Variants in SAGE1 observed in about 807,000 individuals in gnomAD.
The protein encoded by SAGE1 is sarcoma antigen 1, also known as cancer/testis antigen 14.
Under a neutral mutation model 55.4 loss-of-function variants are expected in SAGE1, and 55 were observed. The ratio of observed to expected loss-of-function variants is 0.99; its 90% CI spans 0.80 to 1.24. The LOEUF (loss-of-function observed/expected upper bound fraction) is 1.24. Ranked by LOEUF, SAGE1 falls within the 50% of genes most tolerant of loss-of-function variation. The pLI is 0.00. For missense variants in SAGE1, 710 were observed against 704.4 expected (o/e 1.01, Z -0.09); for synonymous variants, 240 against 244.3 (o/e 0.98, Z 0.17).
intron 1 of SAGE1, among the ~76,000 whole-genome samples, chrX:135,894,238 A>G (rs1392025870): frequency 9.0e-6 from 1 of 111,480 alleles, no homozygotes; most frequent in Admixed American, 9.4e-5. Context: ...ACGCCCAGCT[A>G]ATTTTGTATT....
chrX:135,909,322 T>C (rs1251026184), intron 13 of SAGE1, among the ~76,000 whole-genome samples: 1 of 112,035 alleles, frequency 8.9e-6, no homozygotes, highest in Admixed American at 9.5e-5. Flanking sequence ...GATACATTAT[T>C]GTCAACTGTT....
At chrX:135,904,262 C>T (rs1191095899) in intron 3 of SAGE1, among the ~76,000 whole-genome samples, 1 of 111,727 alleles carries the variant, frequency 9.0e-6, no homozygotes, top group Non-Finnish European at 1.9e-5. Context: ...ACGAGGATTC[C>T]ACTACGCACC....
rs1182616011 is a variant in SAGE1, at chrX:135,908,044, A to G, written c.1160-45A>G. 8 of 1,191,437 alleles carry G rather than the reference A, an allele frequency of 6.7e-6. No homozygotes were observed. The Admixed American group carries it at 1.3e-4, about 20-fold the overall frequency. On this transcript the variant is annotated intron_variant, in intron 10 of 19. Coordinates refer to ENST00000370709, the MANE Select transcript of SAGE1 (RefSeq NM_001381902.1). ...GAGGGGGTATTCCTGTGGGATTGAC[A>G]TACTGCACTTACCTCACAGCTCATC...
intron 14 of SAGE1, 96 bp from the exon 15 acceptor site, chrX:135,909,934 A>G: frequency 9.7e-7 from 1 of 1,028,580 alleles, no homozygotes; most frequent in South Asian, 2.2e-5. Flanking sequence ...CGGCTTTATG[A>G]TATACTTTTC....
intron 5 of SAGE1, among the ~76,000 whole-genome samples, chrX:135,905,666 G>T (rs782389663): frequency 9.0e-6 from 1 of 111,483 alleles, no homozygotes; most frequent in South Asian, 3.8e-4. Context: ...CACATTATCT[G>T]TGAAGAGAAG....
chrX:135,906,981 A>G lies in SAGE1; in HGVS notation c.792A>G (p.Gln264=), dbSNP rs1556601872. Residue 264 remains glutamine (Q), a synonymous_variant, in exon 8 of 20, where the codon CAA becomes CAG. Transcript: ENST00000370709. ...AGAAGATGGAAAAGGGCCAACCCCAACCTGATAACATCTTGTCAACTGCTT... is the reference window on the plus strand; with the variant it reads ...AGAAGATGGAAAAGGGCCAACCCCAGCCTGATAACATCTTGTCAACTGCTT... ...PEEKMEKGQP[Q]PDNILSTAST... 5 of 1,208,277 alleles carry G rather than the reference A, an allele frequency of 4.1e-6. No individual in the cohort carries two copies. In the Admixed American group the frequency reaches 6.6e-5, roughly 16 times the overall value.
At chrX:135,901,746 A>G in intron 3 of SAGE1, 55 bp downstream of exon 3, 5 of 1,100,739 alleles carry the variant, frequency 4.5e-6, no homozygotes, top group Non-Finnish European at 6.2e-6. Flanking sequence ...ATTTGTAGTC[A>G]TGTCCTTGAG....
chrX:135,910,130 G>A lies in SAGE1; in HGVS notation c.1824G>A (p.Met608Ile). The change falls in exon 15 of 20, where the codon ATG becomes ATA. Residue 608 changes from methionine to isoleucine, a missense_variant. Met to Ile is a conservative substitution (Grantham distance 10). Transcript: ENST00000370709. The part of the protein sequence containing the change: ...FSTVPPAFIN[M>I]AATGVSSMST... The stretch of plus-strand genomic sequence containing the variant: ...CTGTTCCACCAGCATTTATTAATAT[G>A]GCAGCAACTGGTGTTTCATCCATGA... 1 of 1,206,317 alleles carries A rather than the reference G, an allele frequency of 8.3e-7. No homozygotes were observed. Among genetic ancestry groups the A allele is most frequent in the Non-Finnish European group, 1.1e-6 (1 of 890,979 alleles).
chrX:135,910,029 G>C lies in SAGE1; in HGVS notation c.1724-1G>C, dbSNP rs1040225307. On this transcript the variant is annotated splice_acceptor_variant, in intron 14 of 19. Transcript: ENST00000370709. LOFTEE classifies it high-confidence loss of function. ...ACTTAACCTCTTTATTTCTGTTCCA[G>C]ATGCTACCGTCACTCACAATGTCCA... The C allele has an allele frequency of 2.5e-6, 3 of 1,206,790 alleles. No homozygotes were observed. The African/African-American group carries it at 5.3e-5, about 21-fold the overall frequency.
At chrX:135,904,431 C>T (rs1281023437) in intron 3 of SAGE1, 46 bp from the exon 4 acceptor site, 2 of 847,071 alleles carry the variant, frequency 2.4e-6, no homozygotes, top group Non-Finnish European at 3.5e-6. Context: ...GTGCCATTGA[C>T]ATAATGCACT....
At position 135,906,447 on chromosome X, in the gene SAGE1, T is replaced by C. The variant is rs782775563; in HGVS notation, c.632T>C (p.Met211Thr). The C allele has an allele frequency of 6.6e-6, 8 of 1,211,298 alleles. No homozygotes were observed. The highest frequency in any genetic ancestry group is 8.9e-6 in the Non-Finnish European group (8 of 894,852). Residue 211 changes from methionine to threonine, a missense_variant, in exon 7 of 20, where the codon ATG (methionine) becomes ACG (threonine). Met to Thr is a moderately conservative substitution (Grantham distance 81). Coordinates refer to ENST00000370709, the MANE Select transcript of SAGE1 (RefSeq NM_001381902.1). Reference protein sequence around the residue: ...TVTHNVCEQKMENVQPAPDNV... With the variant: ...TVTHNVCEQKTENVQPAPDNV... ...ACTCACAATGTCTGTGAACAGAAGA[T>C]GGAAAATGTCCAACCAGCACCTGAT...
intron 9 of SAGE1, 108 bp downstream of exon 9, chrX:135,907,561 T>G (rs1243253283): frequency 1.0e-6 from 1 of 982,226 alleles, no homozygotes; most frequent in African/African-American, 1.9e-5. Context: ...GAGCTCAATC[T>G]GAGGTGTCTC....
Position 135,907,687 on chromosome X carries a change from C to T in SAGE1, c.1019-14C>T. Reference sequence around the variant, plus strand: ...CACTTAGCTCAGAGCTCAAGCTTTTCATTTGGTTTCCAGATGCTACCATCA... The same window carrying T: ...CACTTAGCTCAGAGCTCAAGCTTTTTATTTGGTTTCCAGATGCTACCATCA... On this transcript the variant is annotated splice_polypyrimidine_tract_variant and intron_variant, in intron 9 of 19. Transcript: ENST00000370709. 8.3e-7 allele frequency: 1 copy of T among 1,207,739 alleles called. No individual in the cohort carries two copies. Among genetic ancestry groups the T allele is most frequent in the Non-Finnish European group, 1.1e-6 (1 of 893,183 alleles).
chrX:135,912,377 A>G lies in SAGE1; in HGVS notation c.2578A>G (p.Arg860Gly). ...GGTACAAGGATCTATGAAAGTCAAG[A>G]GACAATTTGTTGAATTTACCATCAA... is the stretch of plus-strand genomic sequence containing the variant. ...EEVQGSMKVK[R>G]QFVEFTIKEA... The change falls in exon 19 of 20, where the codon AGA becomes GGA. Residue 860 changes from arginine to glycine, a missense_variant. Coordinates refer to ENST00000370709, the MANE Select transcript of SAGE1 (RefSeq NM_001381902.1). The G allele has an allele frequency of 2.5e-6, 3 of 1,207,109 alleles. No homozygotes were observed. Among genetic ancestry groups the G allele is most frequent in the Non-Finnish European group, 3.4e-6 (3 of 893,900 alleles).
chrX:135,905,939 T>C (rs2088777954), intron 5 of SAGE1, 85 bp from the exon 6 acceptor site: 5 of 834,143 alleles, frequency 6.0e-6, no homozygotes, highest in Non-Finnish European at 6.8e-6. Context: ...GATAATTTCC[T>C]AGAAACTGAG....
At chrX:135,912,229 G>GA in intron 18 of SAGE1, 92 bp from the exon 19 acceptor site, 1 of 1,125,598 alleles carries the variant, frequency 8.9e-7, no homozygotes, top group Non-Finnish European at 1.2e-6. Context: ...TGTAGCCCAT[G>GA]AAAAATGTAT....
Position 135,907,448 on chromosome X carries a change from A to G in SAGE1, c.1013A>G (p.Asp338Gly), listed in dbSNP as rs781981001. The change falls in exon 9 of 20, where the codon GAT becomes GGT. Residue 338 changes from aspartate to glycine, a missense_variant. By Grantham distance (94) the Asp-to-Gly change is moderately conservative. Transcript: ENST00000370709. ...ATGIPGMNTR[D>G]QYATITHNVC... ...GGTATTCCGGGCATGAATACCAGGG[A>G]TCAGTGTATGTTTGTTTACTAGTTG... 7.5e-6 allele frequency: 9 copies of G among 1,203,868 alleles called. No homozygotes were observed. Among genetic ancestry groups the G allele is most frequent in the Non-Finnish European group, 4.5e-6 (4 of 889,935 alleles).
chrX:135,906,382 A>G, intron 6 of SAGE1, 29 bp from the exon 7 acceptor site: 5 of 1,202,676 alleles, frequency 4.2e-6, no homozygotes, highest in South Asian at 1.8e-5. Flanking sequence ...CACTTACCTC[A>G]CAGCTCAACC....
intron 1 of SAGE1, among the ~76,000 whole-genome samples, chrX:135,894,835 G>C (rs1317309698): frequency 1.8e-5 from 2 of 111,086 alleles, no homozygotes; most frequent in Non-Finnish European, 3.8e-5. Flanking sequence ...AGGAAATTCG[G>C]TGTGCTGAAA....
Sources: gnomAD v4.1 joint callset for allele counts (sites outside exome capture counted in the v4.1 genomes callset) on GRCh38, gnomAD v4.1.1 for gene constraint, MANE v1.5 for transcripts, NCBI Gene and HGNC (gene_info 2026-07-23, HGNC 2026-07-21) for gene names.